The following ZNF710 variants were observed in gnomAD, a reference collection of about 807,000 sequenced individuals.
ZNF710 encodes the protein zinc finger protein 710.
Under a neutral mutation model 50.6 loss-of-function variants are expected in ZNF710, and 13 were observed. The ratio of observed to expected loss-of-function variants is 0.26; its 90% CI spans 0.17 to 0.41. The LOEUF is 0.41. Among genes scored for constraint, ZNF710 ranks in the 10% least tolerant of loss-of-function variants. The probability of loss-of-function intolerance (pLI) is 1.00; values close to 1 mark genes in which losing one functional copy is unlikely to be tolerated. For synonymous variants in ZNF710, 383 were observed against 397.0 expected (o/e 0.96, Z 0.42); for missense variants, 721 against 936.6 (o/e 0.77, Z 3.01).
intron 1 of ZNF710, among the ~76,000 whole-genome samples, chr15:90,028,117 T>G (rs1000627006): frequency 6.6e-6 from 1 of 152,216 alleles, no homozygotes; most frequent in African/African-American, 2.4e-5. Flanking sequence ...GATTTTATTA[T>G]GAAAGAATTT....
At position 90,068,260 on chromosome 15, in the gene ZNF710, G is replaced by C; in HGVS notation, c.1123G>C (p.Glu375Gln). 6.2e-7 allele frequency: 1 copy of C among 1,613,308 alleles called. No homozygotes were observed. The highest frequency in any genetic ancestry group is 8.5e-7 in the Non-Finnish European group (1 of 1,180,014). The part of the protein sequence containing the change: ...HLKRHMLLHS[E>Q]VKPYSCHFCG... ...CAAGCGCCACATGCTGCTGCACTCG[G>C]AGGTCAAGCCCTACAGCTGCCACTT... Residue 375 changes from glutamate (E) to glutamine (Q), a missense_variant, in exon 2 of 5, where the codon GAG becomes CAG. Physicochemically the swap from Glu to Gln is conservative, Grantham distance 29. This residue lies in a region of ZNF710 where 326 missense variants were observed against 522.0 expected (regional missense o/e 0.62). Transcript: ENST00000268154. The surrounding 1 kb of genome is among the most constrained non-coding windows in gnomAD (Gnocchi z 5.0).
intron 1 of ZNF710, among the ~76,000 whole-genome samples, chr15:90,066,090 A>C (rs1900162000): frequency 6.6e-6 from 1 of 152,342 alleles, no homozygotes. Context: ...ATCAGTATAA[A>C]TTTAGATATT....
intron 1 of ZNF710, among the ~76,000 whole-genome samples, chr15:90,021,840 C>G (rs758174199): frequency 9.9e-5 from 15 of 152,118 alleles, no homozygotes; most frequent in Admixed American, 7.2e-4. Flanking sequence ...AATCCCAGCA[C>G]TTTGGGAGGC....
At chr15:90,056,192 C>T (rs1899809939) in intron 1 of ZNF710, among the ~76,000 whole-genome samples, 1 of 151,726 alleles carries the variant, frequency 6.6e-6, no homozygotes, top group Non-Finnish European at 1.5e-5. Flanking sequence ...GGTGGATCAC[C>T]TGAGGTCGGA....
chr15:90,051,272 A>G (rs1162797880), intron 1 of ZNF710, among the ~76,000 whole-genome samples: 2 of 150,766 alleles, frequency 1.3e-5, no homozygotes, highest in African/African-American at 2.4e-5. Context: ...GGTCACTCCC[A>G]GTAACTGGGT....
At chr15:90,050,358 G>A (rs1899601099) in intron 1 of ZNF710, among the ~76,000 whole-genome samples, 2 of 152,144 alleles carry the variant, frequency 1.3e-5, no homozygotes, top group African/African-American at 4.8e-5. Flanking sequence ...CCTGCCCTCA[G>A]ACCTCAGCAC....
chr15:90,066,641 A>C (rs796523855), intron 1 of ZNF710, among the ~76,000 whole-genome samples: 3 of 151,968 alleles, frequency 2.0e-5, no homozygotes, highest in African/African-American at 7.2e-5. Context: ...ACGCCCAGCT[A>C]ATTTTGTATT....
chr15:90,072,517 G>A (rs1480635513), intron 2 of ZNF710, among the ~76,000 whole-genome samples: 4 of 152,156 alleles, frequency 2.6e-5, no homozygotes, highest in Non-Finnish European at 5.9e-5. Context: ...CCATTTTTGG[G>A]GGGGTGTCCA....
At chr15:90,050,722 C>T (rs962621800) in intron 1 of ZNF710, among the ~76,000 whole-genome samples, 4 of 152,068 alleles carry the variant, frequency 2.6e-5, no homozygotes, top group African/African-American at 9.7e-5. Context: ...TATTGCCTCC[C>T]AAAGTGTCCA....
intron 1 of ZNF710, among the ~76,000 whole-genome samples, chr15:90,045,179 G>C (rs1429188258): frequency 6.6e-6 from 1 of 152,136 alleles, no homozygotes; most frequent in Non-Finnish European, 1.5e-5. Flanking sequence ...GGCTGCTGGA[G>C]GGCGGAGACT....
rs1596279103 is a variant in ZNF710, at chr15:90,034,828, T to C, written c.-28-32282T>C. On this transcript the variant is annotated intron_variant, in intron 1 of 4. Coordinates refer to ENST00000268154, the MANE Select transcript of ZNF710 (RefSeq NM_198526.4). This position sits in a 1 kb window ranked among gnomAD's most constrained non-coding sequence, Gnocchi z 4.0. ...CTGGCGCCTGTTGGGGACTTAGACC[T>C]CTTCCACATCGCCCCAAGGTCGGGC... 2.0e-5 allele frequency among the ~76,000 whole-genome samples: 3 copies of C among 152,324 alleles called. No homozygotes were observed. The highest frequency in any genetic ancestry group is 3.4e-3 in the Middle Eastern group (1 of 294).
At chr15:90,042,282 G>A (rs1354793639) in intron 1 of ZNF710, among the ~76,000 whole-genome samples, 7 of 152,042 alleles carry the variant, frequency 4.6e-5, no homozygotes, top group African/African-American at 1.7e-4. Context: ...CTGTTCCAGC[G>A]AAATAACAGC....
At chr15:90,014,433 A>C (rs766743711) in intron 1 of ZNF710, among the ~76,000 whole-genome samples, 14 of 151,626 alleles carry the variant, frequency 9.2e-5, no homozygotes, top group Non-Finnish European at 1.5e-4. Context: ...TCCCAGCTAC[A>C]CTAGAGGCTG....
At chr15:90,024,373 A>G (rs1415127167) in intron 1 of ZNF710, among the ~76,000 whole-genome samples, 3 of 152,148 alleles carry the variant, frequency 2.0e-5, no homozygotes, top group Middle Eastern at 3.4e-3. Flanking sequence ...CCACCAGACT[A>G]TGTTGGGGGT....
rs1015624736 is a variant in ZNF710 at position 90,065,220 on chromosome 15, G to A, written c.-28-1890G>A. Reference sequence around the variant, plus strand: ...GCCGTCCTCAGGAAGGGGAAGCTCCGCTGGGCGCTGGGGGGAGGGGGACGC... The same window carrying A: ...GCCGTCCTCAGGAAGGGGAAGCTCCACTGGGCGCTGGGGGGAGGGGGACGC... On this transcript the variant is annotated intron_variant, in intron 1 of 4. Transcript: ENST00000268154. Among the ~76,000 whole-genome samples the A allele has an allele frequency of 3.3e-5, 5 of 152,298 alleles. No homozygotes were observed. The East Asian group carries it at 5.8e-4, about 18-fold the overall frequency.
intron 1 of ZNF710, among the ~76,000 whole-genome samples, chr15:90,033,634 C>T (rs1371870268): frequency 2.0e-5 from 3 of 152,182 alleles, no homozygotes; most frequent in African/African-American, 7.2e-5. Context: ...TCATAGCTCA[C>T]TGCAGCCTTG....
In ZNF710 at chr15:90,080,270, C is replaced by A. The variant is rs1046056416; in HGVS notation, c.*441C>A. On this transcript the variant is annotated 3_prime_UTR_variant, in exon 5 of 5. Coordinates refer to ENST00000268154, the MANE Select transcript of ZNF710 (RefSeq NM_198526.4). ...CCTGCCTCTAAGGATGTCTGAGCTC[C>A]CCTCTGGCCAGTACTGCCCACCTCT... is the stretch of plus-strand genomic sequence containing the variant. 2.5e-5 allele frequency: 4 copies of A among 159,602 alleles called. No individual in the cohort carries two copies. Among genetic ancestry groups the A allele is most frequent in the African/African-American group, 9.6e-5 (4 of 41,520 alleles). 9.9% of individuals were successfully genotyped at this position (159,602 alleles called of 1,614,324 possible). A position where few individuals can be genotyped will look rare whatever the true frequency, so the allele number is the denominator to read the frequency against.
chr15:90,003,591 G>T (rs532314502), intron 1 of ZNF710, among the ~76,000 whole-genome samples: 1 of 152,314 alleles, frequency 6.6e-6, no homozygotes, highest in East Asian at 1.9e-4. Flanking sequence ...GAAGAAAACC[G>T]TTCTTAACTC....
chr15:90,080,071 C>T lies in ZNF710; in HGVS notation c.*242C>T, dbSNP rs1201854231. The T allele has an allele frequency of 9.7e-6, 4 of 410,962 alleles. No individual in the cohort carries two copies. The highest frequency in any genetic ancestry group is 1.7e-5 in the Non-Finnish European group (4 of 233,442). The allele number at this position is 410,962 out of a possible 1,614,324, so 25.5% of individuals were successfully genotyped here. A position where few individuals can be genotyped will look rare whatever the true frequency, so the allele number is the denominator to read the frequency against. Reference sequence around the variant, plus strand: ...AGCAAGGGAAGGAGAACACGCGAGGCCCAGATCTGGGTCTCCCTGGCCTGC... The same window carrying T: ...AGCAAGGGAAGGAGAACACGCGAGGTCCAGATCTGGGTCTCCCTGGCCTGC... On this transcript the variant is annotated 3_prime_UTR_variant, in exon 5 of 5. Transcript: ENST00000268154.
Sources: gnomAD v4.1 joint callset for allele counts (sites outside exome capture counted in the v4.1 genomes callset) on GRCh38, gnomAD v4.1.1 for gene constraint, gnomAD v4.1.1 regional missense constraint, Gnocchi (gnomAD v3.1) non-coding constraint, MANE v1.5 for transcripts, NCBI Gene and HGNC (gene_info 2026-07-23, HGNC 2026-07-21) for gene names.